Variants in DCC observed in about 807,000 individuals in gnomAD.
DCC encodes netrin receptor DCC.
Under a neutral mutation model 172.5 loss-of-function variants are expected in DCC, and 58 were observed. The observed-to-expected ratio is 0.34, with a 90% CI of 0.27 to 0.42. DCC has a LOEUF of 0.42. Among genes scored for constraint, DCC ranks in the 10% least tolerant of loss-of-function variants. The pLI, the probability that DCC is intolerant of heterozygous loss-of-function variation, is 1.00. For synonymous variants in DCC, 709 were observed against 644.5 expected, an observed-to-expected ratio of 1.10 and a Z score of -1.52; for missense variants, 1,740 against 1,791.0, an observed-to-expected ratio of 0.97 and a Z score of 0.51.
At chr18:52,949,479 T>C (rs1378592858) in intron 5 of DCC, among the ~76,000 whole-genome samples, 2 of 152,224 alleles carry the variant, frequency 1.3e-5, no homozygotes, top group African/African-American at 4.8e-5. Context: ...CTCATTAATA[T>C]GTTTTCCATT....
intron 2 of DCC, among the ~76,000 whole-genome samples, chr18:52,807,751 A>G (rs1018161208): frequency 2.0e-5 from 3 of 152,236 alleles, no homozygotes; most frequent in African/African-American, 7.2e-5. Context: ...TACCAACTCT[A>G]CTGCAAACAG....
At chr18:52,535,753 C>G (rs536438908) in intron 1 of DCC, among the ~76,000 whole-genome samples, 1 of 152,220 alleles carries the variant, frequency 6.6e-6, no homozygotes, top group Non-Finnish European at 1.5e-5. Flanking sequence ...AAAACTGATG[C>G]ATGGGGATTT....
intron 23 of DCC, 30 bp downstream of exon 23, chr18:53,450,692 G>A: frequency 6.4e-7 from 1 of 1,571,954 alleles, no homozygotes; most frequent in Non-Finnish European, 8.8e-7. Context: ...CAAGAGGAAA[G>A]AAGTCATTGT....
chr18:52,682,811 T>C (rs923930979), intron 1 of DCC, among the ~76,000 whole-genome samples: 12 of 152,122 alleles, frequency 7.9e-5, no homozygotes, highest in Non-Finnish European at 1.6e-4. Context: ...AGGTGGTGTG[T>C]ACATCAAAAT....
intron 1 of DCC, among the ~76,000 whole-genome samples, chr18:52,477,084 T>C (rs976979382): frequency 1.2e-4 from 18 of 152,152 alleles, no homozygotes; most frequent in Non-Finnish European, 5.9e-5. Context: ...CTCTGGCTGC[T>C]CCCTCTGCAG....
rs114607856 is a variant in DCC at position 52,768,576 on chromosome 18, C to T, written c.412+16202C>T. ...CCTGACTGATTGCAGAATTCTTAGT[C>T]CCCTGTCTGTTTATTTCAACATTTG... On this transcript the variant is annotated intron_variant, in intron 2 of 28. Coordinates refer to ENST00000442544, the MANE Select transcript of DCC (RefSeq NM_005215.4). 7.4e-3 allele frequency among the ~76,000 whole-genome samples: 1,120 copies of T among 152,304 alleles called. 14 individuals are homozygous for T. Among genetic ancestry groups the T allele is most frequent in the African/African-American group, 0.025 (1,060 of 41,578 alleles).
chr18:52,860,775 A>T (rs1291944461), intron 2 of DCC, among the ~76,000 whole-genome samples: 2 of 152,142 alleles, frequency 1.3e-5, no homozygotes, highest in East Asian at 3.9e-4. Context: ...TGAGGCAGGC[A>T]GATCACGAGG....
At chr18:52,448,753 C>T (rs1988209134) in intron 1 of DCC, among the ~76,000 whole-genome samples, 2 of 152,192 alleles carry the variant, frequency 1.3e-5, no homozygotes, top group African/African-American at 4.8e-5. Flanking sequence ...CCAGGTCATT[C>T]TGAATGGAGT....
intron 2 of DCC, among the ~76,000 whole-genome samples, chr18:52,859,124 C>G (rs117371166): frequency 0.021 from 3,168 of 151,840 alleles, 55 homozygotes; most frequent in Admixed American, 0.04. Flanking sequence ...AACATAGACC[C>G]TGTCTCTGCA....
intron 2 of DCC, among the ~76,000 whole-genome samples, chr18:52,790,576 T>TA (rs199674111): frequency 1.7e-3 from 255 of 152,158 alleles, no homozygotes; most frequent in African/African-American, 5.8e-3. Flanking sequence ...AAGAACATTA[T>TA]AAAAAAAGAT....
chr18:52,900,682 G>C (rs1404626441), intron 2 of DCC, among the ~76,000 whole-genome samples: 3 of 152,132 alleles, frequency 2.0e-5, no homozygotes. Flanking sequence ...TCACTAATAA[G>C]TTCTGATCTT....
At chr18:52,485,634 G>T (rs1465787490) in intron 1 of DCC, among the ~76,000 whole-genome samples, 1 of 152,028 alleles carries the variant, frequency 6.6e-6, no homozygotes, top group Non-Finnish European at 1.5e-5. Flanking sequence ...AGTACCAGGA[G>T]ACCTGTTGTA....
chr18:52,643,086 A>C (rs1275822771), intron 1 of DCC, among the ~76,000 whole-genome samples: 3 of 152,226 alleles, frequency 2.0e-5, no homozygotes, highest in Non-Finnish European at 4.4e-5. Context: ...TATCTGAAGG[A>C]AACTTTAATG....
intron 12 of DCC, among the ~76,000 whole-genome samples, chr18:53,284,860 G>A (rs192743142): frequency 1.8e-4 from 28 of 152,280 alleles, no homozygotes; most frequent in Non-Finnish European, 4.4e-5. Context: ...ATGGAGATTA[G>A]GAACTTCTTG....
chr18:52,766,185 C>T (rs879922198), intron 2 of DCC, among the ~76,000 whole-genome samples: 4 of 152,168 alleles, frequency 2.6e-5, no homozygotes, highest in Non-Finnish European at 5.9e-5. Flanking sequence ...AGCGCACAAG[C>T]GAGCAGGTAC....
intron 5 of DCC, among the ~76,000 whole-genome samples, chr18:53,017,149 C>G (rs996461957): frequency 6.7e-6 from 1 of 149,232 alleles, no homozygotes; most frequent in Non-Finnish European, 1.5e-5. Context: ...CATCTCGGCT[C>G]ACTGCAAGCT....
At chr18:52,534,212 A>G (rs907053583) in intron 1 of DCC, among the ~76,000 whole-genome samples, 2 of 152,102 alleles carry the variant, frequency 1.3e-5, no homozygotes, top group Admixed American at 1.3e-4. Flanking sequence ...CAGGCACTGT[A>G]TTAGATATTT....
At chr18:53,489,217 T>G (rs958856927) in intron 26 of DCC, among the ~76,000 whole-genome samples, 3 of 152,212 alleles carry the variant, frequency 2.0e-5, no homozygotes, top group African/African-American at 7.2e-5. Context: ...CATTGGATGT[T>G]CTACTCCTGC....
chr18:52,514,898 A>G (rs1217235533), intron 1 of DCC, among the ~76,000 whole-genome samples: 1 of 152,202 alleles, frequency 6.6e-6, no homozygotes, highest in East Asian at 1.9e-4. Flanking sequence ...ATGTATATTT[A>G]TTGGAAAACA....
Sources: allele counts gnomAD v4.1 joint callset (sites outside exome capture counted in the v4.1 genomes callset), GRCh38; gene constraint gnomAD v4.1.1; transcripts MANE v1.5; gene names NCBI Gene and HGNC (gene_info 2026-07-23, HGNC 2026-07-21).